Variants in COL11A1 observed in about 807,000 individuals in gnomAD.
The protein encoded by COL11A1 is collagen alpha-1(XI) chain.
Under a neutral mutation model 265.2 loss-of-function variants are expected in COL11A1, and 74 were observed. The observed-to-expected ratio is 0.28, with a 90% CI of 0.23 to 0.34. The LOEUF is 0.34. Among genes scored for constraint, COL11A1 ranks in the 10% least tolerant of loss-of-function variants. The probability of loss-of-function intolerance (pLI) is 1.00; values close to 1 mark genes in which losing one functional copy is unlikely to be tolerated. For missense variants in COL11A1, 2,165 were observed against 2,263.6 expected, an observed-to-expected ratio of 0.96 and a Z score of 0.88; for synonymous variants, 816 against 727.6, an observed-to-expected ratio of 1.12 and a Z score of -1.96.
chr1:102,981,070 T>C (rs1303011794), intron 31 of COL11A1, among the ~76,000 whole-genome samples: 1 of 152,124 alleles, frequency 6.6e-6, no homozygotes, highest in Non-Finnish European at 1.5e-5. Flanking sequence ...GTCAATAAAA[T>C]TGTATGTGAT....
intron 38 of COL11A1, among the ~76,000 whole-genome samples, chr1:102,964,658 G>T (rs541971135): frequency 1.3e-5 from 2 of 152,014 alleles, no homozygotes; most frequent in Non-Finnish European, 1.5e-5. Context: ...ATGTGTGTGT[G>T]TATGTGTGTG....
At chr1:103,007,976 T>C (rs1236740033) in intron 15 of COL11A1, among the ~76,000 whole-genome samples, 1 of 151,770 alleles carries the variant, frequency 6.6e-6, no homozygotes, top group Non-Finnish European at 1.5e-5. Flanking sequence ...ACAATAACAG[T>C]ACAAATTTTT....
chr1:103,080,023 T>A lies in COL11A1; in HGVS notation c.275-1152A>T, dbSNP rs573129424. Reference sequence around the variant, plus strand: ...ACTTTCAAATCACCAAAGTACTATTTATAATAATAAAATTTTATAATAAGC... The same window carrying A: ...ACTTTCAAATCACCAAAGTACTATTAATAATAATAAAATTTTATAATAAGC... On this transcript the variant is annotated intron_variant, in intron 2 of 66. Transcript: ENST00000370096. 2.0e-5 allele frequency among the ~76,000 whole-genome samples: 3 copies of A among 152,022 alleles called. No homozygotes were observed. In the South Asian group the frequency reaches 6.2e-4, roughly 32 times the overall value.
chr1:102,923,652 G>C (rs1212413886), intron 46 of COL11A1, among the ~76,000 whole-genome samples: 1 of 151,830 alleles, frequency 6.6e-6, no homozygotes, highest in Non-Finnish European at 1.5e-5. Context: ...ATATTAATTT[G>C]ATCTGGGAAT....
chr1:103,065,892 A>T (rs1671100612), intron 4 of COL11A1, among the ~76,000 whole-genome samples: 1 of 152,160 alleles, frequency 6.6e-6, no homozygotes, highest in Non-Finnish European at 1.5e-5. Flanking sequence ...GGAGAAAAAA[A>T]AAATCTTAAT....
chr1:102,963,827 A>G (rs1486199244), intron 38 of COL11A1, among the ~76,000 whole-genome samples: 1 of 152,124 alleles, frequency 6.6e-6, no homozygotes, highest in Admixed American at 6.6e-5. Flanking sequence ...AACAGTAAGG[A>G]ATACAGAATT....
chr1:103,088,391 C>T (rs555502186), intron 1 of COL11A1, among the ~76,000 whole-genome samples: 5 of 152,152 alleles, frequency 3.3e-5, no homozygotes, highest in East Asian at 3.9e-4. Context: ...ACAATGCCTT[C>T]GAATGATGGT....
chr1:102,932,741 G>A (rs1371827991), intron 46 of COL11A1, among the ~76,000 whole-genome samples: 2 of 150,982 alleles, frequency 1.3e-5, no homozygotes, highest in African/African-American at 4.8e-5. Context: ...ATCAGACGTA[G>A]ATTTGGTCTT....
At chr1:103,047,643 G>A (rs968159518) in intron 4 of COL11A1, among the ~76,000 whole-genome samples, 20 of 152,160 alleles carry the variant, frequency 1.3e-4, no homozygotes, top group Non-Finnish European at 2.9e-5. Flanking sequence ...ACGCTATGTT[G>A]AATAGGAGTG....
chr1:102,967,227 C>CT (rs35303945), intron 37 of COL11A1, among the ~76,000 whole-genome samples: 1,065 of 52,568 alleles, frequency 0.02, 327 homozygotes, highest in Middle Eastern at 0.053. Context: ...ATAATAAATT[C>CT]TTTTTTTTTT....
At position 102,979,402 on chromosome 1, in the gene COL11A1, T is replaced by G. The variant is rs1557897680; in HGVS notation, c.2590A>C (p.Asn864His). 5 of 1,610,548 alleles carry G rather than the reference T, an allele frequency of 3.1e-6. No individual in the cohort carries two copies. The highest frequency in any genetic ancestry group is 4.2e-6 in the Non-Finnish European group (5 of 1,176,870). Residue 864 changes from asparagine to histidine, a missense_variant, in exon 32 of 67, where the codon AAT (asparagine) becomes CAT (histidine). By Grantham distance (68) the Asn-to-His change is moderately conservative. Coordinates refer to ENST00000370096, the MANE Select transcript of COL11A1 (RefSeq NM_001854.4). ...CATACCCGTGCACCTTTCTCTCCAT[T>G]GGCACCTGGAAACCCAGGGAATCCA... is the stretch of plus-strand genomic sequence containing the variant. ...STGFPGFPGA[N>H]GEKGARGVAG...
chr1:102,925,056 A>G (rs1656441656), intron 46 of COL11A1, among the ~76,000 whole-genome samples: 1 of 152,072 alleles, frequency 6.6e-6, no homozygotes, highest in South Asian at 2.1e-4. Context: ...TTTAGATGTA[A>G]TCTATTTTAG....
chr1:102,979,547 C>T (rs985780464), intron 31 of COL11A1, 112 bp from the exon 32 acceptor site: 8 of 762,344 alleles, frequency 1.0e-5, no homozygotes, highest in Non-Finnish European at 1.6e-5. Context: ...ATATTTAAAT[C>T]AAATATAGAA....
intron 35 of COL11A1, among the ~76,000 whole-genome samples, chr1:102,977,486 G>A (rs1175985514): frequency 1.3e-5 from 2 of 152,056 alleles, no homozygotes; most frequent in Non-Finnish European, 2.9e-5. Context: ...AAATTAAAAT[G>A]CAGTATCAGC....
intron 37 of COL11A1, among the ~76,000 whole-genome samples, chr1:102,967,267 G>T (rs1661515240): frequency 2.1e-5 from 1 of 47,530 alleles, no homozygotes; most frequent in African/African-American, 6.4e-5. Flanking sequence ...TTGAGACGGA[G>T]TCTCGCTCTG....
intron 4 of COL11A1, among the ~76,000 whole-genome samples, chr1:103,051,998 C>T (rs1362196738): frequency 6.6e-6 from 1 of 152,114 alleles, no homozygotes; most frequent in Non-Finnish European, 1.5e-5. Context: ...AAGTAAATAT[C>T]ACCTATTTGT....
chr1:102,881,382 T>C (rs954190779), intron 65 of COL11A1, among the ~76,000 whole-genome samples: 1 of 152,128 alleles, frequency 6.6e-6, no homozygotes, highest in Non-Finnish European at 1.5e-5. Flanking sequence ...GTAGATATTA[T>C]ATTCTTTATA....
chr1:103,047,615 C>A (rs145618113), intron 4 of COL11A1, among the ~76,000 whole-genome samples: 2 of 152,150 alleles, frequency 1.3e-5, no homozygotes, highest in Non-Finnish European at 2.9e-5. Flanking sequence ...TGCCTGATTG[C>A]CCTAGGCAGA....
chr1:103,003,299 T>TAAA lies in COL11A1; in HGVS notation c.1945-34_1945-32dup, dbSNP rs370445089. The TAAA allele has an allele frequency of 4.3e-6, 6 of 1,399,306 alleles. No homozygotes were observed. In the Admixed American group the frequency reaches 5.8e-5, roughly 14 times the overall value. The allele number at this position is 1,399,306 out of a possible 1,614,324, so 86.7% of individuals were successfully genotyped here. A position where few individuals can be genotyped will look rare whatever the true frequency, so the allele number is the denominator to read the frequency against. ...AGAAAAAGAAAAAGCACGCCTTTAT[T>TAAA]AAAAAAAAAAAATGTCCTAATAACA... On this transcript the variant is annotated intron_variant, in intron 20 of 66. Coordinates refer to ENST00000370096, the MANE Select transcript of COL11A1 (RefSeq NM_001854.4).
Sources: allele counts gnomAD v4.1 joint callset (sites outside exome capture counted in the v4.1 genomes callset), GRCh38; gene constraint gnomAD v4.1.1; transcripts MANE v1.5; gene names NCBI Gene and HGNC (gene_info 2026-07-23, HGNC 2026-07-21).